The following SLC16A2 variants were observed in gnomAD, a reference collection of about 807,000 sequenced individuals.
The protein encoded by SLC16A2 is monocarboxylate transporter 8.
Under a neutral mutation model 27.2 loss-of-function variants are expected in SLC16A2, and 3 were observed. The ratio of observed to expected loss-of-function variants is 0.11; its 90% CI spans 0.05 to 0.28. The LOEUF (loss-of-function observed/expected upper bound fraction) is 0.28. Ranked by LOEUF, SLC16A2 falls within the 10% of genes least tolerant of loss-of-function variation. The pLI is 1.00. For synonymous variants in SLC16A2, 202 were observed against 187.8 expected, an observed-to-expected ratio of 1.08 and a Z score of -0.62; for missense variants, 295 against 458.5, an observed-to-expected ratio of 0.64 and a Z score of 3.26.
intron 1 of SLC16A2, among the ~76,000 whole-genome samples, chrX:74,422,352 G>A (rs1324735482): frequency 9.0e-6 from 1 of 111,410 alleles, no homozygotes; most frequent in East Asian, 2.8e-4. Context: ...TTTTGCCCTG[G>A]GACAAATCTA....
At chrX:74,520,503 G>A (rs1439923039) in intron 1 of SLC16A2, among the ~76,000 whole-genome samples, 1 of 111,740 alleles carries the variant, frequency 8.9e-6, no homozygotes, top group Non-Finnish European at 1.9e-5. Context: ...ACGGATTTCA[G>A]CATGAGGGTT....
At chrX:74,512,055 A>G (rs994221053) in intron 1 of SLC16A2, among the ~76,000 whole-genome samples, 7 of 111,780 alleles carry the variant, frequency 6.3e-5, no homozygotes, top group African/African-American at 2.3e-4. Context: ...TGTTTCACCA[A>G]TTCTTTCAGT....
chrX:74,427,167 A>G (rs1441885713), intron 1 of SLC16A2, among the ~76,000 whole-genome samples: 3 of 112,280 alleles, frequency 2.7e-5, no homozygotes, highest in Non-Finnish European at 5.6e-5. Flanking sequence ...TGAATTTCCC[A>G]CAGCACAGTC....
chrX:74,473,307 G>A, intron 1 of SLC16A2: 1 of 564,334 alleles, frequency 1.8e-6, no homozygotes, highest in Non-Finnish European at 3.1e-6. Context: ...GACAACTGAA[G>A]CTTCCTCCAC....
intron 1 of SLC16A2, among the ~76,000 whole-genome samples, chrX:74,434,535 C>T (rs752800457): frequency 2.5e-4 from 28 of 110,597 alleles, no homozygotes; most frequent in Non-Finnish European, 4.7e-4. Context: ...GAAAAGGACA[C>T]GGGGAGGGGG....
At chrX:74,513,357 A>G (rs750134258) in intron 1 of SLC16A2, among the ~76,000 whole-genome samples, 49 of 111,812 alleles carry the variant, frequency 4.4e-4, no homozygotes, top group Non-Finnish European at 8.7e-4. Flanking sequence ...TCTTCCCCAT[A>G]TAAGAGCAGG....
At chrX:74,503,165 C>T (rs2147863762) in intron 1 of SLC16A2, among the ~76,000 whole-genome samples, 1 of 110,204 alleles carries the variant, frequency 9.1e-6, no homozygotes, top group South Asian at 4.0e-4. Flanking sequence ...CTTCCTTCTA[C>T]CTCTACCCAA....
intron 1 of SLC16A2, among the ~76,000 whole-genome samples, chrX:74,480,872 A>G (rs1434631168): frequency 1.8e-5 from 2 of 112,136 alleles, no homozygotes; most frequent in Non-Finnish European, 3.8e-5. Context: ...ATTTTCATAG[A>G]TGACCATTAT....
rs181577919 is a variant in SLC16A2 at position 74,454,535 on chromosome X, C to T, written c.430+32468C>T. Among the ~76,000 whole-genome samples the T allele has an allele frequency of 4.9e-5, 5 of 101,220 alleles. No homozygotes were observed. The Admixed American group carries it at 5.7e-4, about 11-fold the overall frequency. 87.9% of individuals were successfully genotyped at this position (101,220 alleles called of 115,157 possible). A position where few individuals can be genotyped will look rare whatever the true frequency, so the allele number is the denominator to read the frequency against. On this transcript the variant is annotated intron_variant, in intron 1 of 5. Coordinates refer to ENST00000587091, the MANE Select transcript of SLC16A2 (RefSeq NM_006517.5). ...AGGTGGGAATTGAACAATGAGAACA[C>T]ATGGACACAGGAAGGGGAACATCAC...
At position 74,440,114 on chromosome X, in the gene SLC16A2, T is replaced by G. The variant is rs1472338651; in HGVS notation, c.430+18047T>G. ...CAGGAAGAGAGAGGCCTGGGCTTTA[T>G]GTAATGGGCTCATCTTAGGTGGCCC... On this transcript the variant is annotated intron_variant, in intron 1 of 5. Transcript: ENST00000587091. Among the ~76,000 whole-genome samples, 6 of 111,866 alleles carry G rather than the reference T, an allele frequency of 5.4e-5. No individual in the cohort carries two copies. The East Asian group carries it at 1.7e-3, about 31-fold the overall frequency.
chrX:74,520,820 A>AT (rs1930394751), intron 1 of SLC16A2, among the ~76,000 whole-genome samples, 170 bp from the exon 2 acceptor site: 1 of 111,665 alleles, frequency 9.0e-6, no homozygotes, highest in African/African-American at 3.3e-5. Flanking sequence ...CCCCTGTTTT[A>AT]TATCTAGTCT....
chrX:74,475,360 A>G (rs1310253398), intron 1 of SLC16A2, among the ~76,000 whole-genome samples: 2 of 109,007 alleles, frequency 1.8e-5, no homozygotes, highest in Non-Finnish European at 3.8e-5. Flanking sequence ...GTTTGAGTTC[A>G]TTGTAGATTC....
chrX:74,483,259 T>C (rs1235261945), intron 1 of SLC16A2, among the ~76,000 whole-genome samples: 1 of 111,685 alleles, frequency 9.0e-6, no homozygotes, highest in African/African-American at 3.3e-5. Context: ...GATCTATCTC[T>C]AATAATATCA....
At chrX:74,428,805 T>A (rs1928472443) in intron 1 of SLC16A2, among the ~76,000 whole-genome samples, 1 of 112,004 alleles carries the variant, frequency 8.9e-6, no homozygotes, top group Non-Finnish European at 1.9e-5. Flanking sequence ...GCTCAGAAGG[T>A]AGTATTGTAG....
At position 74,531,475 on chromosome X, in the gene SLC16A2, G is replaced by A. The variant is rs1269893518; in HGVS notation, c.1542G>A (p.Lys514=). The change falls in exon 6 of 6, where the codon AAG becomes AAA. Residue 514 remains lysine (K), a synonymous_variant. Transcript: ENST00000587091. Reference sequence around the variant, plus strand: ...AGAAAGAGCAGAGAGATTCCAGCAAGGATAAGATGTTGGCCCCTGACCCAG... The same window carrying A: ...AGAAAGAGCAGAGAGATTCCAGCAAAGATAAGATGTTGGCCCCTGACCCAG... The part of the protein sequence containing the change: ...MFKKEQRDSS[K]DKMLAPDPDP... 1 of 1,211,730 alleles carries A rather than the reference G, an allele frequency of 8.3e-7. No homozygotes were observed. The highest frequency in any genetic ancestry group is 1.1e-6 in the Non-Finnish European group (1 of 895,471).
At chrX:74,422,272 G>C (rs1478505521) in intron 1 of SLC16A2, among the ~76,000 whole-genome samples, 1 of 112,110 alleles carries the variant, frequency 8.9e-6, no homozygotes, top group Non-Finnish European at 1.9e-5. Context: ...GGACTGGGGA[G>C]ACTAGGTGCA....
chrX:74,499,859 G>T (rs1929998546), intron 1 of SLC16A2, among the ~76,000 whole-genome samples: 1 of 111,384 alleles, frequency 9.0e-6, no homozygotes, highest in African/African-American at 3.3e-5. Context: ...AGCAATATTG[G>T]TCTGCAAGCT....
chrX:74,429,104 G>T (rs755785085), intron 1 of SLC16A2, among the ~76,000 whole-genome samples: 47 of 111,098 alleles, frequency 4.2e-4, no homozygotes, highest in African/African-American at 1.2e-3. Flanking sequence ...GATTGCTCCA[G>T]CCCAGGAGGT....
At chrX:74,428,955 G>C (rs890683979) in intron 1 of SLC16A2, among the ~76,000 whole-genome samples, 6 of 111,423 alleles carry the variant, frequency 5.4e-5, no homozygotes, top group African/African-American at 2.0e-4. Context: ...TAGCTTCCGT[G>C]TTTCTGGTTC....
Sources: gnomAD v4.1 joint callset for allele counts (sites outside exome capture counted in the v4.1 genomes callset) on GRCh38, gnomAD v4.1.1 for gene constraint, MANE v1.5 for transcripts, NCBI Gene and HGNC (gene_info 2026-07-23, HGNC 2026-07-21) for gene names.